The following ITGA8 variants were observed in gnomAD, a reference collection of about 807,000 sequenced individuals.
ITGA8 encodes integrin alpha-8.
ITGA8 carries 91 observed loss-of-function variants against 142.3 expected under a neutral mutation model. That is an observed-to-expected ratio of 0.64 (90% CI 0.54 to 0.76). ITGA8 has a LOEUF of 0.76. ITGA8 is among the 30% of genes least tolerant of loss of function. The probability of loss-of-function intolerance (pLI) is 0.00; values close to 1 mark genes in which losing one functional copy is unlikely to be tolerated. For missense variants in ITGA8, 1,406 were observed against 1,327.7 expected (o/e 1.06, Z -0.92); for synonymous variants, 505 against 485.2 (o/e 1.04, Z -0.54).
intron 26 of ITGA8, among the ~76,000 whole-genome samples, chr10:15,555,013 G>A (rs1220405858): frequency 6.6e-6 from 1 of 152,160 alleles, no homozygotes; most frequent in Non-Finnish European, 1.5e-5. Context: ...AATTTCTTGA[G>A]CACTGATTTC....
intron 21 of ITGA8, among the ~76,000 whole-genome samples, chr10:15,596,202 C>T (rs961644693): frequency 6.6e-6 from 1 of 152,184 alleles, no homozygotes; most frequent in Non-Finnish European, 1.5e-5. Flanking sequence ...ATTTTGAAGT[C>T]TCATCTGTTA....
chr10:15,703,090 C>T (rs537001890), intron 2 of ITGA8, among the ~76,000 whole-genome samples: 8 of 152,230 alleles, frequency 5.3e-5, no homozygotes, highest in Non-Finnish European at 1.0e-4. Flanking sequence ...CATATATAAT[C>T]GAATACTATA....
At chr10:15,719,356 A>C (rs376490081) in intron 1 of ITGA8, among the ~76,000 whole-genome samples, 5 of 152,238 alleles carry the variant, frequency 3.3e-5, no homozygotes, top group African/African-American at 1.2e-4. Flanking sequence ...GTTCTATGCA[A>C]GTGGCATGTC....
intron 21 of ITGA8, among the ~76,000 whole-genome samples, chr10:15,593,926 C>T (rs956160158): frequency 6.6e-6 from 1 of 151,416 alleles, no homozygotes; most frequent in Non-Finnish European, 1.5e-5. Flanking sequence ...ACTGCAACCT[C>T]CACCTCCCAG....
At chr10:15,554,627 A>G (rs1833855957) in intron 26 of ITGA8, among the ~76,000 whole-genome samples, 1 of 152,184 alleles carries the variant, frequency 6.6e-6, no homozygotes, top group Non-Finnish European at 1.5e-5. Flanking sequence ...GTAGAAGACT[A>G]TTTATACCCA....
intron 13 of ITGA8, among the ~76,000 whole-genome samples, chr10:15,629,650 G>C (rs1833649710): frequency 6.6e-6 from 1 of 152,064 alleles, no homozygotes; most frequent in Non-Finnish European, 1.5e-5. Context: ...TCAGAGGCTG[G>C]GCATGGTGGC....
chr10:15,667,127 G>A (rs535955393), intron 8 of ITGA8, among the ~76,000 whole-genome samples: 84 of 152,230 alleles, frequency 5.5e-4, no homozygotes, highest in African/African-American at 1.7e-3. Context: ...GGTAGAATTC[G>A]GCTGTGAATC....
At chr10:15,645,233 C>G (rs1833958648) in intron 12 of ITGA8, among the ~76,000 whole-genome samples, 1 of 152,018 alleles carries the variant, frequency 6.6e-6, no homozygotes, top group South Asian at 2.1e-4. Flanking sequence ...TGACTCCCAT[C>G]CCCTTGTTTA....
intron 8 of ITGA8, among the ~76,000 whole-genome samples, chr10:15,670,408 C>T (rs1834489635): frequency 6.6e-6 from 1 of 152,108 alleles, no homozygotes; most frequent in Non-Finnish European, 1.5e-5. Flanking sequence ...TTGTCATAGC[C>T]TAAGGAATAG....
chr10:15,706,557 C>T (rs552187410), intron 2 of ITGA8, among the ~76,000 whole-genome samples: 3 of 152,100 alleles, frequency 2.0e-5, no homozygotes, highest in Non-Finnish European at 4.4e-5. Context: ...CTTCCCACAT[C>T]AGCCTTCCTA....
intron 26 of ITGA8, among the ~76,000 whole-genome samples, chr10:15,553,302 G>GTTTTTTTTTTTTTTTTTTTTTTTTTTTT (rs5783451): frequency 2.3e-5 from 3 of 131,140 alleles, no homozygotes; most frequent in Non-Finnish European, 5.0e-5. Flanking sequence ...AGTTGCCATA[G>GTTTTTTTTTTTTTTTTTTTTTTTTTTTT]TTTTTTTTTT....
At chr10:15,615,048 C>T (rs1292663222) in intron 14 of ITGA8, among the ~76,000 whole-genome samples, 5 of 152,126 alleles carry the variant, frequency 3.3e-5, no homozygotes, top group East Asian at 1.9e-4. Context: ...CAAATTTGCC[C>T]GTGAGAGGAG....
rs541349548 is a variant in ITGA8 at position 15,599,254 on chromosome 10, A to G, written c.2119-1955T>C. ...ATTTCCTCTCGTTAATAAGAGGAAC[A>G]ATGACTTTTTATGGACATTTCTAGA... On this transcript the variant is annotated intron_variant, in intron 20 of 29. Transcript: ENST00000378076. 4.6e-5 allele frequency among the ~76,000 whole-genome samples: 7 copies of G among 152,060 alleles called. No individual in the cohort carries two copies. In the East Asian group the frequency reaches 1.4e-3, roughly 30 times the overall value.
At chr10:15,577,536 G>A (rs181469431) in intron 23 of ITGA8, among the ~76,000 whole-genome samples, 48 of 152,166 alleles carry the variant, frequency 3.2e-4, no homozygotes, top group South Asian at 1.0e-3. Flanking sequence ...AGAAGTCTAT[G>A]AAGAAATATA....
intron 13 of ITGA8, among the ~76,000 whole-genome samples, chr10:15,627,760 C>T (rs1257282661): frequency 6.6e-6 from 1 of 152,114 alleles, no homozygotes; most frequent in African/African-American, 2.4e-5. Flanking sequence ...CTGTCAGAGG[C>T]ATTTGAACCA....
At chr10:15,633,601 G>A (rs926552127) in intron 13 of ITGA8, among the ~76,000 whole-genome samples, 1 of 151,976 alleles carries the variant, frequency 6.6e-6, no homozygotes, top group Non-Finnish European at 1.5e-5. Flanking sequence ...TGTATTTTTA[G>A]TAGAGACAGG....
intron 12 of ITGA8, among the ~76,000 whole-genome samples, chr10:15,644,476 ATATATATATATATATAGAATT>A (rs1564388962): frequency 2.7e-3 from 39 of 14,362 alleles, no homozygotes; most frequent in Non-Finnish European, 6.4e-3. Context: ...ATATATATAT[ATATATATATATATATAGAATT>A]TTTTTTTTTT....
chr10:15,523,321 T>C (rs561798501), intron 28 of ITGA8, among the ~76,000 whole-genome samples: 24 of 151,154 alleles, frequency 1.6e-4, no homozygotes, highest in Non-Finnish European at 2.6e-4. Context: ...ATTTAAAGTT[T>C]TTTTTGTAGC....
intron 27 of ITGA8, among the ~76,000 whole-genome samples, chr10:15,538,512 GA>G (rs71374631): frequency 0.43 from 42,201 of 98,124 alleles, 8,424 homozygotes; most frequent in Middle Eastern, 0.55. Context: ...ACTCCGTCTC[GA>G]AAAAAAAAAA....
Sources: allele counts gnomAD v4.1 joint callset (sites outside exome capture counted in the v4.1 genomes callset), GRCh38; gene constraint gnomAD v4.1.1; transcripts MANE v1.5; gene names NCBI Gene and HGNC (gene_info 2026-07-23, HGNC 2026-07-21).